Variants in RGS6 observed in about 807,000 individuals in gnomAD.
RGS6 encodes the protein regulator of G protein signaling 6, also known as regulator of G-protein signaling 6.
In RGS6, 30 loss-of-function variants were observed where a neutral mutation model predicts 78.5. That is an observed-to-expected ratio of 0.38 (90% CI 0.29 to 0.52). The LOEUF (loss-of-function observed/expected upper bound fraction) is 0.52. Ranked by LOEUF, RGS6 falls within the 20% of genes least tolerant of loss-of-function variation. The probability of loss-of-function intolerance (pLI) is 0.85; values close to 1 mark genes in which losing one functional copy is unlikely to be tolerated. For missense variants in RGS6, 495 were observed against 609.7 expected, an observed-to-expected ratio of 0.81 and a Z score of 1.98; for synonymous variants, 206 against 206.0, an observed-to-expected ratio of 1.00 and a Z score of 0.00.
intron 2 of RGS6, among the ~76,000 whole-genome samples, chr14:72,329,420 C>G (rs1567770229): frequency 6.6e-6 from 1 of 152,262 alleles, no homozygotes; most frequent in Non-Finnish European, 1.5e-5. Flanking sequence ...CCAGTGGACA[C>G]AGCATCACCT....
In RGS6 at chr14:72,495,168, G is replaced by C; in HGVS notation, c.871G>C (p.Glu291Gln). 1 of 1,612,150 alleles carries C rather than the reference G, an allele frequency of 6.2e-7. No individual in the cohort carries two copies. Among genetic ancestry groups the C allele is most frequent in the Non-Finnish European group, 8.5e-7 (1 of 1,178,294 alleles). ...CTCCTGCAGTTTAATTGCCTACACG[G>C]AACAATATGTGGAATATGACCCTTT... The part of the protein sequence containing the change: ...KVAESLIAYT[E>Q]QYVEYDPLIT... Residue 291 changes from glutamate to glutamine, a missense_variant, in exon 13 of 18, where the codon GAA becomes CAA. Glu to Gln is a conservative substitution (Grantham distance 29). Transcript: ENST00000553525.
the RGS6 span, chr14:72,594,720 T>C: frequency 1.3e-5 from 2 of 152,168 alleles, no homozygotes; most frequent in Non-Finnish European, 2.9e-5. Context: ...ACCTCAGTTG[T>C]GTTGAATTAA....
chr14:72,114,599 T>TA (rs1468029799), intron 2 of RGS6, among the ~76,000 whole-genome samples: 7 of 152,142 alleles, frequency 4.6e-5, no homozygotes, highest in African/African-American at 1.7e-4. Flanking sequence ...TCTCAACAAT[T>TA]AAAAAATGGT....
chr14:72,352,517 A>G (rs1384772230), intron 3 of RGS6, among the ~76,000 whole-genome samples: 1 of 152,140 alleles, frequency 6.6e-6, no homozygotes, highest in Non-Finnish European at 1.5e-5. Flanking sequence ...TAAAGAAATT[A>G]AACAGGTTTT....
At chr14:72,340,185 G>A (rs545231151) in intron 2 of RGS6, among the ~76,000 whole-genome samples, 1 of 152,146 alleles carries the variant, frequency 6.6e-6, no homozygotes, top group Non-Finnish European at 1.5e-5. Context: ...CTTATAAATT[G>A]TGAGGAGAGT....
intron 2 of RGS6, among the ~76,000 whole-genome samples, chr14:72,242,442 C>T (rs1176175060): frequency 6.6e-6 from 1 of 152,202 alleles, no homozygotes. Context: ...ATGTTTTCAC[C>T]TTAAAATAAC....
At chr14:71,937,712 C>G (rs1274072392) in intron 1 of RGS6, among the ~76,000 whole-genome samples, 1 of 152,220 alleles carries the variant, frequency 6.6e-6, no homozygotes, top group Non-Finnish European at 1.5e-5. Context: ...GTGGATAAGG[C>G]ATTCCGTGAG....
chr14:72,103,450 AAAC>A (rs1224382906), intron 2 of RGS6, among the ~76,000 whole-genome samples: 3 of 152,222 alleles, frequency 2.0e-5, no homozygotes, highest in South Asian at 2.1e-4. Flanking sequence ...CACAGGAGGA[AAAC>A]AACAACTTTC....
intron 2 of RGS6, among the ~76,000 whole-genome samples, chr14:72,185,102 AG>A (rs2097221605): frequency 6.6e-6 from 1 of 152,212 alleles, no homozygotes; most frequent in South Asian, 2.1e-4. Context: ...CTGATGTTCA[AG>A]GGCAGGAAGC....
At chr14:72,262,918 C>T (rs946299103) in intron 2 of RGS6, among the ~76,000 whole-genome samples, 30 of 152,050 alleles carry the variant, frequency 2.0e-4, no homozygotes, top group African/African-American at 7.2e-4. Flanking sequence ...GGGTCCTTTT[C>T]CTGTGGTGGC....
chr14:72,061,702 T>A (rs1246086686), intron 2 of RGS6, among the ~76,000 whole-genome samples: 1 of 152,236 alleles, frequency 6.6e-6, no homozygotes, highest in East Asian at 1.9e-4. Context: ...TTATCTTTTA[T>A]TGTTCTTTTT....
In RGS6 at chr14:72,087,284, C is replaced by A. The variant is rs78660056; in HGVS notation, c.84+122409C>A. 1.1e-3 allele frequency among the ~76,000 whole-genome samples: 164 copies of A among 152,150 alleles called. 2 individuals carry two copies. In the East Asian group the frequency reaches 0.031, roughly 28 times the overall value. ...TAGCTAGGATTACAGGTGCATGCTA[C>A]CATGCCCGGCTAATTTTTGTATTTT... On this transcript the variant is annotated intron_variant, in intron 2 of 17. Coordinates refer to ENST00000553525, the MANE Select transcript of RGS6 (RefSeq NM_001204424.2).
chr14:72,181,094 T>C (rs2097168184), intron 2 of RGS6, among the ~76,000 whole-genome samples: 1 of 152,228 alleles, frequency 6.6e-6, no homozygotes, highest in Admixed American at 6.5e-5. Context: ...TTATAAGACA[T>C]CCCTTCAGTG....
Position 72,518,450 on chromosome 14 carries a change from A to G in RGS6, c.1191A>G (p.Pro397=). Reference sequence around the variant, plus strand: ...AAGAGTTTCTGGCTCCAGGGGCTCCAAGTGCAATCAACCTGGATTCTCACA... The same window carrying G: ...AAGAGTTTCTGGCTCCAGGGGCTCCGAGTGCAATCAACCTGGATTCTCACA... ...IWQEFLAPGA[P]SAINLDSHSY... Residue 397 remains proline, a synonymous_variant, in exon 15 of 18, where the codon CCA becomes CCG. Transcript: ENST00000553525. 1 of 1,614,198 alleles carries G rather than the reference A, an allele frequency of 6.2e-7. No individual in the cohort carries two copies. The highest frequency in any genetic ancestry group is 8.5e-7 in the Non-Finnish European group (1 of 1,180,016).
intron 14 of RGS6, among the ~76,000 whole-genome samples, chr14:72,516,199 G>A (rs887442098): frequency 2.0e-5 from 3 of 152,230 alleles, no homozygotes; most frequent in African/African-American, 7.2e-5. Flanking sequence ...GGCCTTCCAG[G>A]CAGAGAAAGC....
At chr14:72,438,823 G>A (rs1597513393) in intron 3 of RGS6, among the ~76,000 whole-genome samples, 2 of 152,232 alleles carry the variant, frequency 1.3e-5, no homozygotes, top group South Asian at 4.1e-4. Context: ...ACCACTTGAA[G>A]CCTTCCAGGA....
At chr14:72,079,267 G>A (rs2094716512) in intron 2 of RGS6, among the ~76,000 whole-genome samples, 1 of 151,718 alleles carries the variant, frequency 6.6e-6, no homozygotes, top group South Asian at 2.1e-4. Flanking sequence ...TTTTTCTACA[G>A]CATGCCTCTG....
chr14:72,131,128 G>A (rs751822037), intron 2 of RGS6, among the ~76,000 whole-genome samples: 19 of 152,136 alleles, frequency 1.2e-4, no homozygotes, highest in Non-Finnish European at 1.6e-4. Flanking sequence ...TTTCGCTCAC[G>A]GACTATTCTC....
intron 2 of RGS6, among the ~76,000 whole-genome samples, chr14:72,060,116 G>A (rs2153433063): frequency 6.6e-6 from 1 of 152,186 alleles, no homozygotes; most frequent in African/African-American, 2.4e-5. Context: ...GGAGATGTCG[G>A]GCCAGGGACT....
Sources: gnomAD v4.1 joint callset for allele counts (sites outside exome capture counted in the v4.1 genomes callset) on GRCh38, gnomAD v4.1.1 for gene constraint, MANE v1.5 for transcripts, NCBI Gene and HGNC (gene_info 2026-07-23, HGNC 2026-07-21) for gene names.